Variants in ATM observed in about 807,000 individuals in gnomAD.
The protein encoded by ATM is ATM serine/threonine kinase.
A neutral mutation model predicts 387.0 loss-of-function variants in ATM; 308 were observed. The ratio of observed to expected loss-of-function variants is 0.80; its 90% CI spans 0.73 to 0.87. ATM has a LOEUF of 0.87. ATM is among the 40% of genes least tolerant of loss of function. ATM has a pLI of 0.00. For synonymous variants in ATM, 1,156 were observed against 1,187.3 expected, an observed-to-expected ratio of 0.97 and a Z score of 0.54; for missense variants, 3,312 against 3,560.9, an observed-to-expected ratio of 0.93 and a Z score of 1.78.
chr11:108,357,652 G>T (rs1591335255), intron 61 of ATM, among the ~76,000 whole-genome samples: 1 of 152,196 alleles, frequency 6.6e-6, no homozygotes, highest in East Asian at 1.9e-4. Flanking sequence ...CCCCCGAGCA[G>T]CCTAACTGGG....
Position 108,335,929 on chromosome 11 carries a change from A to C in ATM, c.8236A>C (p.Arg2746=). The change falls in exon 56 of 63, where the codon AGG becomes CGG. Residue 2746 remains arginine, a synonymous_variant. Coordinates refer to ENST00000675843, the MANE Select transcript of ATM (RefSeq NM_000051.4). ...ATTACTGCAGAGAAACACGGAAACT[A>C]GGAAGAGGAAATTAACTATCTGTAC... ...NTLLQRNTET[R]KRKLTICTYK... 6.2e-7 allele frequency: 1 copy of C among 1,613,652 alleles called. No individual in the cohort carries two copies. The highest frequency in any genetic ancestry group is 8.5e-7 in the Non-Finnish European group (1 of 1,179,574).
intron 16 of ATM, among the ~76,000 whole-genome samples, chr11:108,261,024 C>G (rs1473803375): frequency 6.6e-6 from 1 of 152,144 alleles, no homozygotes; most frequent in East Asian, 1.9e-4. Context: ...GCACAGCAGT[C>G]TGAGATCAAA....
Position 108,249,013 on chromosome 11 carries a change from C to T in ATM, c.1146C>T (p.Val382=), listed in dbSNP as rs786201150. Residue 382 remains valine (V), a synonymous_variant, in exon 9 of 63, where the codon GTC becomes GTT. Transcript: ENST00000675843. ...AAAGAGAATCTAGTGATTACAGTGTCCCTTGCAAAAGGAAGAAAATAGAAC... is the reference window on the plus strand; with the variant it reads ...AAAGAGAATCTAGTGATTACAGTGTTCCTTGCAAAAGGAAGAAAATAGAAC... ...TTQRESSDYS[V]PCKRKKIELG... is the part of the protein sequence containing the mutation. The T allele has an allele frequency of 6.2e-7, 1 of 1,613,556 alleles. No homozygotes were observed. The highest frequency in any genetic ancestry group is 2.2e-5 in the East Asian group (1 of 44,854).
At position 108,293,454 on chromosome 11, in the gene ATM, A is replaced by G. The variant is rs781275128; in HGVS notation, c.4753A>G (p.Arg1585Gly). 11 of 1,612,380 alleles carry G rather than the reference A, an allele frequency of 6.8e-6. No individual in the cohort carries two copies. The South Asian group carries it at 1.1e-4, about 16-fold the overall frequency. The change falls in exon 31 of 63, where the codon AGA becomes GGA. Residue 1585 changes from arginine (R) to glycine (G), a missense_variant. Arg to Gly is a moderately radical substitution (Grantham distance 125). Transcript: ENST00000675843. ...TACTCAGCAAAAAATCAAATACAGT[A>G]GAGGACCCTTTTCACTCTTGGAGGT... ...RITQQKIKYS[R>G]GPFSLLEEIN...
intron 45 of ATM, among the ~76,000 whole-genome samples, chr11:108,322,365 C>T (rs1022763719): frequency 3.9e-5 from 6 of 152,060 alleles, no homozygotes; most frequent in Non-Finnish European, 1.5e-5. Context: ...TGTTGGTCAG[C>T]CTGGCCTCGA....
intron 59 of ATM, among the ~76,000 whole-genome samples, chr11:108,351,878 C>CT (rs1396951097): frequency 6.6e-6 from 1 of 151,590 alleles, no homozygotes; most frequent in African/African-American, 2.4e-5. Context: ...CCTTTTTTTC[C>CT]TTTTTTCTGA....
In ATM at chr11:108,319,953, G is replaced by C. The variant is rs1057517302; in HGVS notation, c.6348-1G>C. 6.2e-7 allele frequency: 1 copy of C among 1,602,604 alleles called. No homozygotes were observed. On this transcript the variant is annotated splice_acceptor_variant, in intron 43 of 62. Coordinates refer to ENST00000675843, the MANE Select transcript of ATM (RefSeq NM_000051.4). LOFTEE classifies it high-confidence loss of function. ...ATTTTTTTCTTTGACTTATCTCACAGCAAAGAAGTAGAAGGAACCAGTTAC... is the reference window on the plus strand; with the variant it reads ...ATTTTTTTCTTTGACTTATCTCACACCAAAGAAGTAGAAGGAACCAGTTAC...
rs2135288277 is a variant in ATM at position 108,248,878 on chromosome 11, A to G, written c.1066-55A>G. 4 of 1,469,702 alleles carry G rather than the reference A, an allele frequency of 2.7e-6. 1 individual carries two copies. The South Asian group carries it at 3.7e-5, about 14-fold the overall frequency. The allele number at this position is 1,469,702 out of a possible 1,614,324, so 91.0% of individuals were successfully genotyped here. On this transcript the variant is annotated intron_variant, in intron 8 of 62. Transcript: ENST00000675843. ...ACTCCAACCTGGGCAACAACAGCGA[A>G]ACTCTGGCTCAAAAAAAAAAAAAAG...
intron 56 of ATM, among the ~76,000 whole-genome samples, chr11:108,338,763 ATTTC>A (rs1216096643): frequency 6.6e-6 from 1 of 152,210 alleles, no homozygotes; most frequent in Non-Finnish European, 1.5e-5. Context: ...AGGTTTGACT[ATTTC>A]TTAGAATTAC....
At chr11:108,317,332 C>G (rs1271268955) in intron 42 of ATM, 41 bp from the exon 43 acceptor site, 2 of 1,592,270 alleles carry the variant, frequency 1.3e-6, no homozygotes, top group Non-Finnish European at 1.7e-6. Context: ...CTGTTGATAT[C>G]TTTGATTACT....
chr11:108,331,632 T>A (rs2086246371), intron 51 of ATM, 75 bp downstream of exon 51: 1 of 1,430,396 alleles, frequency 7.0e-7, no homozygotes, highest in Non-Finnish European at 9.3e-7. Context: ...AAAGTATATA[T>A]ACCATTCCCT....
intron 57 of ATM, 87 bp downstream of exon 57, chr11:108,343,458 A>G: frequency 6.6e-7 from 1 of 1,515,868 alleles, no homozygotes; most frequent in Non-Finnish European, 9.0e-7. Flanking sequence ...TAGAATACAA[A>G]AAAACTTTAA....
At chr11:108,223,549 A>AGCTTG (rs1321677708) in intron 1 of ATM, 14 of 152,154 alleles carry the variant, frequency 9.2e-5, no homozygotes, top group Non-Finnish European at 1.6e-4. Flanking sequence ...CGCGGTTAAG[A>AGCTTG]GCTTGGGCTC....
At chr11:108,241,785 T>C (rs1259249611) in intron 5 of ATM, among the ~76,000 whole-genome samples, 1 of 131,336 alleles carries the variant, frequency 7.6e-6, no homozygotes, top group Non-Finnish European at 1.6e-5. Context: ...GGCCTCACTC[T>C]GTCACCCAGG....
intron 6 of ATM, 59 bp downstream of exon 6, chr11:108,244,177 A>G (rs2135229294): frequency 1.9e-6 from 3 of 1,587,206 alleles, no homozygotes; most frequent in Non-Finnish European, 2.6e-6. Context: ...TTGCAAGACC[A>G]TGTTTTAGAC....
At chr11:108,360,346 C>G (rs2090574762) in intron 61 of ATM, among the ~76,000 whole-genome samples, 1 of 151,110 alleles carries the variant, frequency 6.6e-6, no homozygotes, top group Admixed American at 6.6e-5. Flanking sequence ...GATGGATTCA[C>G]AGCTGAATTC....
At chr11:108,305,001 G>A in intron 37 of ATM, 149 bp downstream of exon 37, 2 of 935,906 alleles carry the variant, frequency 2.1e-6, no homozygotes, top group Non-Finnish European at 1.6e-6. Flanking sequence ...GATAAAAGTT[G>A]CCAACAGTTG....
At chr11:108,257,112 G>T (rs2080543729) in intron 14 of ATM, among the ~76,000 whole-genome samples, 1 of 152,120 alleles carries the variant, frequency 6.6e-6, no homozygotes, top group African/African-American at 2.4e-5. Flanking sequence ...CACAATGATT[G>T]AACTAATTTA....
At chr11:108,234,933 T>C (rs1447992770) in intron 4 of ATM, among the ~76,000 whole-genome samples, 2 of 152,208 alleles carry the variant, frequency 1.3e-5, no homozygotes, top group African/African-American at 4.8e-5. Context: ...AATATTCTCC[T>C]TGTAATCTTA....
Sources: gnomAD v4.1 joint callset for allele counts (sites outside exome capture counted in the v4.1 genomes callset) on GRCh38, gnomAD v4.1.1 for gene constraint, MANE v1.5 for transcripts, NCBI Gene and HGNC (gene_info 2026-07-23, HGNC 2026-07-21) for gene names.